The following MYO16 variants were observed in gnomAD, a reference collection of about 807,000 sequenced individuals.
MYO16 encodes the protein myosin XVI.
Under a neutral mutation model 205.3 loss-of-function variants are expected in MYO16, and 94 were observed. That is an observed-to-expected ratio of 0.46 (90% CI 0.39 to 0.54). The LOEUF is 0.54. Among genes scored for constraint, MYO16 ranks in the 20% least tolerant of loss-of-function variants. MYO16 has a pLI of 0.00. For synonymous variants in MYO16, 988 were observed against 954.0 expected (o/e 1.04, Z -0.66); for missense variants, 2,315 against 2,387.5 (o/e 0.97, Z 0.63).
intron 27 of MYO16, among the ~76,000 whole-genome samples, chr13:109,069,748 A>C (rs1887868207): frequency 6.6e-6 from 1 of 152,100 alleles, no homozygotes; most frequent in African/African-American, 2.4e-5. Flanking sequence ...TTATGACCTA[A>C]TTTAGCCTTA....
At chr13:109,173,136 G>A (rs594348) in intron 33 of MYO16, among the ~76,000 whole-genome samples, 121,898 of 152,090 alleles carry the variant, frequency 0.8, 50,234 homozygotes, top group East Asian at 0.99. Flanking sequence ...AGTGAAGAGA[G>A]AGGTGCACAT....
intron 4 of MYO16, among the ~76,000 whole-genome samples, chr13:108,760,385 C>CT (rs67282839): frequency 0.53 from 79,779 of 151,918 alleles, 21,549 homozygotes; most frequent in East Asian, 0.63. Context: ...TCACATGCCT[C>CT]TTGCTTCTGT....
chr13:109,172,075 G>A (rs1878944568), intron 33 of MYO16, among the ~76,000 whole-genome samples: 1 of 152,098 alleles, frequency 6.6e-6, no homozygotes, highest in African/African-American at 2.4e-5. Context: ...CACCAGTTCT[G>A]GGAACATCTA....
intron 16 of MYO16, among the ~76,000 whole-genome samples, chr13:108,930,594 A>G (rs1411170413): frequency 6.6e-6 from 1 of 152,222 alleles, no homozygotes; most frequent in Non-Finnish European, 1.5e-5. Flanking sequence ...TTAAATTAGA[A>G]GTAAAAGGAG....
chr13:108,588,462 T>A, the MYO16 span, among the ~76,000 whole-genome samples: 1 of 152,160 alleles, frequency 6.6e-6, no homozygotes, highest in Non-Finnish European at 1.5e-5. Flanking sequence ...AGAGCAGATT[T>A]AGAAACAGTT....
At chr13:108,573,042 G>A in the MYO16 span, among the ~76,000 whole-genome samples, 4 of 152,296 alleles carry the variant, frequency 2.6e-5, no homozygotes, top group Admixed American at 1.3e-4. Context: ...AAGTCTAAGC[G>A]AACATGCAGA....
chr13:108,520,196 A>C, the MYO16 span, among the ~76,000 whole-genome samples: 1 of 151,976 alleles, frequency 6.6e-6, no homozygotes, highest in Non-Finnish European at 1.5e-5. Flanking sequence ...TGGTGTTCTA[A>C]TTTATAAATT....
chr13:108,610,850 C>T (rs190035353), intron 1 of MYO16, among the ~76,000 whole-genome samples: 203 of 152,226 alleles, frequency 1.3e-3, no homozygotes, highest in African/African-American at 4.7e-3. Context: ...GGAGCTTTTG[C>T]CTTTACTTTC....
chr13:108,826,478 T>C (rs1876273941), intron 9 of MYO16, among the ~76,000 whole-genome samples: 1 of 152,050 alleles, frequency 6.6e-6, no homozygotes, highest in Non-Finnish European at 1.5e-5. Context: ...CTTTAAAAAA[T>C]GTAAATCTTT....
chr13:108,728,433 T>C (rs2139586081), intron 4 of MYO16, among the ~76,000 whole-genome samples: 1 of 50,292 alleles, frequency 2.0e-5, no homozygotes, highest in South Asian at 5.7e-4. Context: ...ATGCCTGCCA[T>C]ACCAATTACC....
intron 1 of MYO16, among the ~76,000 whole-genome samples, chr13:108,638,600 G>A (rs1198303437): frequency 1.3e-5 from 2 of 151,926 alleles, no homozygotes; most frequent in African/African-American, 4.8e-5. Context: ...GAAAATAATT[G>A]TCCTTGTAAC....
chr13:108,634,252 T>C lies in MYO16; in HGVS notation c.28+4380T>C, dbSNP rs568846017. Among the ~76,000 whole-genome samples the C allele has an allele frequency of 2.0e-5, 3 of 152,232 alleles. No homozygotes were observed. In the South Asian group the frequency reaches 6.2e-4, roughly 32 times the overall value. On this transcript the variant is annotated intron_variant, in intron 1 of 34. Coordinates refer to ENST00000457511, the MANE Select transcript of MYO16 (RefSeq NM_001198950.3). ...AGGCTGAGGAGTTACAAACCTACCCTCCCACCATTAAATCTGCAGAGTGTC... is the reference window on the plus strand; with the variant it reads ...AGGCTGAGGAGTTACAAACCTACCCCCCCACCATTAAATCTGCAGAGTGTC...
rs1303023819 is a variant in MYO16, at chr13:108,659,061, C to CT, written c.29-6814dup. ...GTACAGCAGAATAAATTTACATATT[C>CT]TTTTTTTTTTTAGTTCATTTTCCTC... On this transcript the variant is annotated intron_variant, in intron 1 of 34. Transcript: ENST00000457511. 2.0e-3 allele frequency among the ~76,000 whole-genome samples: 292 copies of CT among 143,856 alleles called. 2 individuals carry two copies. The highest frequency in any genetic ancestry group is 6.1e-3 in the African/African-American group (242 of 39,356). The allele number at this position is 143,856 out of a possible 152,430, so 94.4% of individuals were successfully genotyped here.
Position 109,095,758 on chromosome 13 carries a change from A to G in MYO16, c.3336-5027A>G, listed in dbSNP as rs577233742. ...AAAATAACTTGAGTGATTTCATTTC[A>G]GTGTATTACTCTGGCTAAATGTTAG... is the stretch of plus-strand genomic sequence containing the variant. On this transcript the variant is annotated intron_variant, in intron 27 of 34. Coordinates refer to ENST00000457511, the MANE Select transcript of MYO16 (RefSeq NM_001198950.3). Among the ~76,000 whole-genome samples the G allele has an allele frequency of 4.6e-5, 7 of 152,328 alleles. No homozygotes were observed. In the South Asian group the frequency reaches 1.4e-3, roughly 32 times the overall value.
At chr13:108,693,258 A>G (rs976409098) in intron 2 of MYO16, among the ~76,000 whole-genome samples, 3 of 152,122 alleles carry the variant, frequency 2.0e-5, no homozygotes, top group African/African-American at 7.2e-5. Context: ...CATCATTTTG[A>G]CCATTTTGAA....
At chr13:108,733,579 A>AT (rs34589628) in intron 4 of MYO16, among the ~76,000 whole-genome samples, 38,300 of 152,100 alleles carry the variant, frequency 0.25, 5,837 homozygotes, top group East Asian at 0.54. Flanking sequence ...TAATATCATG[A>AT]TTTTCACTGT....
intron 4 of MYO16, among the ~76,000 whole-genome samples, chr13:108,770,937 GA>G (rs1170597918): frequency 2.0e-5 from 3 of 152,210 alleles, no homozygotes; most frequent in Non-Finnish European, 4.4e-5. Flanking sequence ...TAGGCTAGTG[GA>G]AATGATGAGG....
chr13:108,568,763 G>A, the MYO16 span, among the ~76,000 whole-genome samples: 13 of 151,832 alleles, frequency 8.6e-5, no homozygotes, highest in South Asian at 4.1e-4. Context: ...CTAAAAAACC[G>A]TTTCCTAATC....
At chr13:109,029,201 G>A (rs571811614) in intron 23 of MYO16, among the ~76,000 whole-genome samples, 1 of 132,878 alleles carries the variant, frequency 7.5e-6, no homozygotes, top group South Asian at 2.5e-4. Context: ...TGCAACCTCC[G>A]CCTCCCAGGT....
Sources: gnomAD v4.1 joint callset for allele counts (sites outside exome capture counted in the v4.1 genomes callset) on GRCh38, gnomAD v4.1.1 for gene constraint, MANE v1.5 for transcripts, NCBI Gene and HGNC (gene_info 2026-07-23, HGNC 2026-07-21) for gene names.